Variants in CASP1 observed in about 807,000 individuals in gnomAD.
The protein encoded by CASP1 is caspase-1.
In CASP1, 31 loss-of-function variants were observed where a neutral mutation model predicts 41.2. The observed-to-expected ratio is 0.75, with a 90% CI of 0.57 to 1.02. The LOEUF is 1.02. Ranked by LOEUF, CASP1 falls within the 50% of genes least tolerant of loss-of-function variation. The probability of loss-of-function intolerance (pLI) is 0.00; values close to 1 mark genes in which losing one functional copy is unlikely to be tolerated. For synonymous variants in CASP1, 163 were observed against 166.5 expected (o/e 0.98, Z 0.16); for missense variants, 490 against 495.7 (o/e 0.99, Z 0.11).
chr11:105,025,708 G>A lies in CASP1; in HGVS notation c.*550C>T. 1 of 321,456 alleles carries A rather than the reference G, an allele frequency of 3.1e-6. No homozygotes were observed. The highest frequency in any genetic ancestry group is 2.6e-5 in the South Asian group (1 of 38,350). 19.9% of individuals were successfully genotyped at this position (321,456 alleles called of 1,614,324 possible). A position where few individuals can be genotyped will look rare whatever the true frequency, so the allele number is the denominator to read the frequency against. On this transcript the variant is annotated 3_prime_UTR_variant, in exon 9 of 9. Coordinates refer to ENST00000533400, the MANE Select transcript of CASP1 (RefSeq NM_001257118.3). ...AATGGGAACATACACAATTTTAAAAGGAAAGACCACATGCTATGTTTAAAT... is the reference window on the plus strand; with the variant it reads ...AATGGGAACATACACAATTTTAAAAAGAAAGACCACATGCTATGTTTAAAT...
intron 1 of CASP1, 41 bp from the exon 2 acceptor site, chr11:105,034,515 C>T (rs368787287): frequency 6.2e-7 from 1 of 1,610,232 alleles, no homozygotes. Flanking sequence ...TGAAAACAGC[C>T]TCATATTCCT....
intron 7 of CASP1, 143 bp from the exon 8 acceptor site, chr11:105,027,094 G>C (rs1863354412): frequency 1.5e-6 from 1 of 686,104 alleles, no homozygotes; most frequent in Non-Finnish European, 2.6e-6. Context: ...TGGGGTAGAG[G>C]GGAGTGATTG....
upstream of CASP1, among the ~76,000 whole-genome samples, chr11:105,036,052 A>T (rs571960679): frequency 4.6e-5 from 7 of 152,250 alleles, no homozygotes; most frequent in East Asian, 1.2e-3. Context: ...GTTCCTCTGT[A>T]TGTGAAATAA....
chr11:105,026,821 T>A (rs768923848), intron 8 of CASP1, 21 bp downstream of exon 8: 10 of 1,191,772 alleles, frequency 8.4e-6, no homozygotes, highest in Non-Finnish European at 1.0e-5. Context: ...AGAGTGAAAA[T>A]AGCATCCACT....
intron 4 of CASP1, chr11:105,030,889 T>G (rs189191133): frequency 4.0e-4 from 151 of 377,334 alleles, no homozygotes; most frequent in Admixed American, 5.9e-4. Context: ...AAATTATATA[T>G]TATCATGTGC....
At position 105,026,842 on chromosome 11, in the gene CASP1, C is replaced by G; in HGVS notation, c.1116G>C (p.Lys372Asn). The change falls in exon 8 of 9, where the codon AAG (lysine) becomes AAC (asparagine). Residue 372 changes from lysine (K) to asparagine (N), a missense_variant and splice_region_variant. By Grantham distance (94) the Lys-to-Asn change is moderately conservative. Coordinates refer to ENST00000533400, the MANE Select transcript of CASP1 (RefSeq NM_001257118.3). ...AAAATAGCATCCACTAGCATCTTAC[C>G]TTGCGGAAAATTTCCTCCACATCAC... ...CSCDVEEIFRKVRFSFEQPDG... is the reference protein window; with the variant it reads ...CSCDVEEIFRNVRFSFEQPDG... 1 of 1,532,834 alleles carries G rather than the reference C, an allele frequency of 6.5e-7. No homozygotes were observed. Among genetic ancestry groups the G allele is most frequent in the African/African-American group, 1.4e-5 (1 of 73,320 alleles). 95.0% of individuals were successfully genotyped at this position (1,532,834 alleles called of 1,614,324 possible). A position where few individuals can be genotyped will look rare whatever the true frequency, so the allele number is the denominator to read the frequency against.
chr11:105,035,138 G>C lies in CASP1; in HGVS notation c.-25C>G. On this transcript the variant is annotated 5_prime_UTR_variant, in exon 1 of 9. Transcript: ENST00000533400. ...TGGCTTTTCTCTCCTCCCTTCTTGT[G>C]TGACTGAAACTGAAAGTATGCTTCG... 1 of 1,613,924 alleles carries C rather than the reference G, an allele frequency of 6.2e-7. No homozygotes were observed. The highest frequency in any genetic ancestry group is 8.5e-7 in the Non-Finnish European group (1 of 1,179,872).
In CASP1 at chr11:105,030,338, T is replaced by C; in HGVS notation, c.619A>G (p.Thr207Ala). 6.2e-7 allele frequency: 1 copy of C among 1,611,676 alleles called. No individual in the cohort carries two copies. The highest frequency in any genetic ancestry group is 8.5e-7 in the Non-Finnish European group (1 of 1,178,894). ...GYSVDVKKNL[T>A]ASDMTTELEA... ...TGTATAATAGAACTTACCGAAGCAG[T>C]GAGATTTTTTTTCACATCTACGCTG... The change falls in exon 5 of 9, where the codon ACT (threonine) becomes GCT (alanine). Residue 207 changes from threonine (T) to alanine (A), a missense_variant. Coordinates refer to ENST00000533400, the MANE Select transcript of CASP1 (RefSeq NM_001257118.3).
intron 2 of CASP1, chr11:105,033,861 C>A (rs747517422): frequency 8.2e-6 from 5 of 609,928 alleles, no homozygotes; most frequent in South Asian, 2.8e-5. Flanking sequence ...GCCTACAGAC[C>A]CCTTGCACTC....
At chr11:105,035,323 G>A, upstream of CASP1, 1 of 615,284 alleles carries the variant, frequency 1.6e-6, no homozygotes, top group South Asian at 2.0e-5. Context: ...GATAGATCAG[G>A]GTAGGAGGGG....
intron 4 of CASP1, 41 bp from the exon 5 acceptor site, chr11:105,030,544 C>T: frequency 1.3e-6 from 2 of 1,543,724 alleles, no homozygotes; most frequent in Admixed American, 1.8e-5. Flanking sequence ...TTGTTCTTTC[C>T]AATTAAATAT....
Position 105,034,299 on chromosome 11 carries a change from A to G in CASP1, c.183T>C (p.Val61=), listed in dbSNP as rs1214649931. ...GGCATGCCTGTGCCCCTTTCGGAATAACGGAGTCAATCAAAGCTCGGGTCT... is the reference window on the plus strand; with the variant it reads ...GGCATGCCTGTGCCCCTTTCGGAATGACGGAGTCAATCAAAGCTCGGGTCT... ...MDKTRALIDS[V]IPKGAQACQI... Residue 61 remains valine, a synonymous_variant, in exon 2 of 9, where the codon GTT becomes GTC. Coordinates refer to ENST00000533400, the MANE Select transcript of CASP1 (RefSeq NM_001257118.3). 6.2e-7 allele frequency: 1 copy of G among 1,614,146 alleles called. No homozygotes were observed. Among genetic ancestry groups the G allele is most frequent in the South Asian group, 1.1e-5 (1 of 91,084 alleles).
Position 105,029,900 on chromosome 11 carries a change from C to T in CASP1, c.628-1G>A. On this transcript the variant is annotated splice_acceptor_variant, in intron 5 of 8. Transcript: ENST00000533400. LOFTEE classifies it high-confidence loss of function. The stretch of plus-strand genomic sequence containing the variant: ...ATGCCTCCAGCTCTGTAGTCATGTC[C>T]TGAAAGACACCATATCACTGATTTT... 1 of 1,601,372 alleles carries T rather than the reference C, an allele frequency of 6.2e-7. No homozygotes were observed. The highest frequency in any genetic ancestry group is 8.6e-7 in the Non-Finnish European group (1 of 1,168,546).
At chr11:105,032,991 C>A (rs376201664) in intron 3 of CASP1, 73 bp downstream of exon 3, 1 of 915,558 alleles carries the variant, frequency 1.1e-6, no homozygotes, top group Non-Finnish European at 1.8e-6. Context: ...CATTTACCCA[C>A]GTTTGATCCT....
rs765974225 is a variant in CASP1, at chr11:105,029,270, G to A, written c.863-3C>T. On this transcript the variant is annotated splice_polypyrimidine_tract_variant and splice_region_variant and intron_variant, in intron 6 of 8. Coordinates refer to ENST00000533400, the MANE Select transcript of CASP1 (RefSeq NM_001257118.3). ...AAACCACACCACACCAGGGCTGTCTGGAAAGACACAGTTTGATTTGTTACT... is the reference window on the plus strand; with the variant it reads ...AAACCACACCACACCAGGGCTGTCTAGAAAGACACAGTTTGATTTGTTACT... 4 of 1,608,662 alleles carry A rather than the reference G, an allele frequency of 2.5e-6. No individual in the cohort carries two copies. Among genetic ancestry groups the A allele is most frequent in the South Asian group, 2.2e-5 (2 of 90,170 alleles).
At chr11:105,029,330 C>T (rs1295803120) in intron 6 of CASP1, 63 bp from the exon 7 acceptor site, 57 of 1,419,924 alleles carry the variant, frequency 4.0e-5, no homozygotes, top group Non-Finnish European at 5.4e-5. Flanking sequence ...TTCCTCCTAG[C>T]CTCTGTTCAA....
Position 105,029,115 on chromosome 11 carries a change from AC to A in CASP1, c.1006+8del. The A allele has an allele frequency of 6.2e-7, 1 of 1,611,106 alleles. No individual in the cohort carries two copies. Among genetic ancestry groups the A allele is most frequent in the Non-Finnish European group, 8.5e-7 (1 of 1,178,652 alleles). On this transcript the variant is annotated splice_region_variant and intron_variant, in intron 7 of 8. Coordinates refer to ENST00000533400, the MANE Select transcript of CASP1 (RefSeq NM_001257118.3). ...CCCAACAAAGATGTCCTGTGTAGAA[AC>A]CTGTTACCTGGTGTGGAAGAGCAGA...
intron 5 of CASP1, 25 bp from the exon 6 acceptor site, chr11:105,029,924 T>C (rs756607916): frequency 1.3e-6 from 2 of 1,487,830 alleles, no homozygotes; most frequent in Non-Finnish European, 1.9e-6. Flanking sequence ...ATCACTGATT[T>C]TCGACTATGT....
rs1052516399 is a variant in CASP1 at position 105,025,970 on chromosome 11, T to C, written c.*288A>G. 22 of 287,938 alleles carry C rather than the reference T, an allele frequency of 7.6e-5. No homozygotes were observed. The highest frequency in any genetic ancestry group is 1.3e-5 in the Non-Finnish European group (2 of 152,810). 17.8% of individuals were successfully genotyped at this position (287,938 alleles called of 1,614,324 possible). ...CCAGAAGTATTTCAAATTTCAGATA[T>C]TTTTGTATATTGGAATTCAGCTGTA... is the stretch of plus-strand genomic sequence containing the variant. On this transcript the variant is annotated 3_prime_UTR_variant, in exon 9 of 9. Coordinates refer to ENST00000533400, the MANE Select transcript of CASP1 (RefSeq NM_001257118.3).
Sources: allele counts gnomAD v4.1 joint callset (sites outside exome capture counted in the v4.1 genomes callset), GRCh38; gene constraint gnomAD v4.1.1; transcripts MANE v1.5; gene names NCBI Gene and HGNC (gene_info 2026-07-23, HGNC 2026-07-21).